The following FBN2 variants were observed in gnomAD, a reference collection of about 807,000 sequenced individuals.
FBN2 encodes fibrillin-2.
A neutral mutation model predicts 355.6 loss-of-function variants in FBN2; 105 were observed. The observed-to-expected ratio is 0.30, with a 90% CI of 0.25 to 0.35. FBN2 has a LOEUF of 0.35. Among genes scored for constraint, FBN2 ranks in the 10% least tolerant of loss-of-function variants. The pLI, the probability that FBN2 is intolerant of heterozygous loss-of-function variation, is 1.00. For synonymous variants in FBN2, 1,350 were observed against 1,301.2 expected (o/e 1.04, Z -0.81); for missense variants, 3,280 against 3,758.7 (o/e 0.87, Z 3.33).
intron 7 of FBN2, among the ~76,000 whole-genome samples, chr5:128,414,049 C>T (rs1248533544): frequency 6.6e-6 from 1 of 152,188 alleles, no homozygotes; most frequent in Non-Finnish European, 1.5e-5. Flanking sequence ...AAATTGATGT[C>T]TGCTTTCCTC....
intron 19 of FBN2, among the ~76,000 whole-genome samples, chr5:128,357,623 GAA>G (rs1286965142): frequency 6.6e-6 from 1 of 152,136 alleles, no homozygotes; most frequent in Non-Finnish European, 1.5e-5. Flanking sequence ...AGCCTATTGG[GAA>G]AGAGTTCAGT....
chr5:128,430,320 T>G (rs1370579547), intron 7 of FBN2, among the ~76,000 whole-genome samples: 1 of 152,144 alleles, frequency 6.6e-6, no homozygotes, highest in Non-Finnish European at 1.5e-5. Flanking sequence ...CATAAAAGAA[T>G]TCTCTTATGT....
At chr5:128,350,396 CA>C (rs1751315363) in intron 21 of FBN2, among the ~76,000 whole-genome samples, 1 of 152,092 alleles carries the variant, frequency 6.6e-6, no homozygotes, top group Non-Finnish European at 1.5e-5. Flanking sequence ...ACTAAAAATA[CA>C]AAAATTAGCT....
intron 34 of FBN2, among the ~76,000 whole-genome samples, chr5:128,321,719 T>C (rs1429394742): frequency 2.6e-5 from 4 of 152,220 alleles, no homozygotes; most frequent in Non-Finnish European, 5.9e-5. Context: ...TGGTTCCAGG[T>C]CTTTGCTATT....
chr5:128,515,817 A>T (rs1756266995), intron 5 of FBN2, among the ~76,000 whole-genome samples: 1 of 152,204 alleles, frequency 6.6e-6, no homozygotes, highest in African/African-American at 2.4e-5. Flanking sequence ...GTACATTTTA[A>T]AGGAAATGTT....
chr5:128,506,148 A>G (rs1298096114), intron 5 of FBN2, among the ~76,000 whole-genome samples: 1 of 152,202 alleles, frequency 6.6e-6, no homozygotes, highest in Non-Finnish European at 1.5e-5. Flanking sequence ...CCTAATGATG[A>G]ATGACATTGA....
intron 25 of FBN2, among the ~76,000 whole-genome samples, chr5:128,341,971 G>A (rs531062645): frequency 1.3e-5 from 2 of 152,192 alleles, no homozygotes; most frequent in Non-Finnish European, 2.9e-5. Context: ...TACTCCTAAT[G>A]CATACAGGGA....
intron 5 of FBN2, among the ~76,000 whole-genome samples, chr5:128,503,474 C>T (rs1282356138): frequency 6.6e-6 from 1 of 152,096 alleles, no homozygotes; most frequent in Non-Finnish European, 1.5e-5. Flanking sequence ...TTTGGAACTT[C>T]CTGGAGACTT....
intron 6 of FBN2, among the ~76,000 whole-genome samples, chr5:128,452,285 C>T (rs1022467432): frequency 2.0e-5 from 3 of 152,218 alleles, no homozygotes; most frequent in Admixed American, 2.0e-4. Flanking sequence ...CAGGCAAAAA[C>T]TTACTATTTC....
At chr5:128,482,871 G>A (rs991646457) in intron 5 of FBN2, among the ~76,000 whole-genome samples, 5 of 152,112 alleles carry the variant, frequency 3.3e-5, no homozygotes, top group African/African-American at 1.2e-4. Context: ...TGTGAGACCA[G>A]CCACAAGGTT....
chr5:128,281,095 G>A (rs569705004), intron 55 of FBN2, among the ~76,000 whole-genome samples: 39 of 151,950 alleles, frequency 2.6e-4, no homozygotes, highest in Middle Eastern at 6.4e-3. Context: ...GCTTTTATTA[G>A]TATTTGCCTT....
chr5:128,357,802 A>T (rs896445195), intron 19 of FBN2, among the ~76,000 whole-genome samples: 1 of 152,184 alleles, frequency 6.6e-6, no homozygotes, highest in Non-Finnish European at 1.5e-5. Flanking sequence ...TTAGATGCAA[A>T]ATATCACAAT....
chr5:128,418,743 A>G (rs1753268092), intron 7 of FBN2, among the ~76,000 whole-genome samples: 1 of 152,050 alleles, frequency 6.6e-6, no homozygotes, highest in Non-Finnish European at 1.5e-5. Context: ...TATGATTTTG[A>G]TTTTTAAAAA....
At chr5:128,261,212 A>C (rs750177322) in intron 64 of FBN2, among the ~76,000 whole-genome samples, 22 of 152,204 alleles carry the variant, frequency 1.4e-4, no homozygotes, top group Non-Finnish European at 2.1e-4. Context: ...CCAAAATGCA[A>C]TTAGGGAAAG....
chr5:128,275,739 T>C, intron 59 of FBN2, among the ~76,000 whole-genome samples: 1 of 152,168 alleles, frequency 6.6e-6, no homozygotes, highest in East Asian at 1.9e-4. Context: ...CAACAACAAA[T>C]ATCTTATTTC....
intron 47 of FBN2, among the ~76,000 whole-genome samples, 196 bp downstream of exon 47, chr5:128,301,186 C>G (rs1749705407): frequency 6.6e-6 from 1 of 152,134 alleles, no homozygotes; most frequent in Non-Finnish European, 1.5e-5. Context: ...AGCTCTGTCC[C>G]CAGTAAAAAC....
intron 5 of FBN2, among the ~76,000 whole-genome samples, chr5:128,509,261 T>C (rs1756046585): frequency 6.6e-6 from 1 of 152,162 alleles, no homozygotes; most frequent in South Asian, 2.1e-4. Flanking sequence ...TCACTTATGC[T>C]CTCCTACATT....
At chr5:128,441,694 T>C (rs1211717736) in intron 7 of FBN2, among the ~76,000 whole-genome samples, 7 of 152,210 alleles carry the variant, frequency 4.6e-5, no homozygotes, top group Non-Finnish European at 4.4e-5. Context: ...AGATACAATA[T>C]GGTAAGTGAG....
chr5:128,417,511 C>T (rs747315917), intron 7 of FBN2, among the ~76,000 whole-genome samples: 1 of 152,026 alleles, frequency 6.6e-6, no homozygotes, highest in African/African-American at 2.4e-5. Context: ...TTTTTAATGT[C>T]GAGGTATGTT....
Sources: gnomAD v4.1 joint callset for allele counts (sites outside exome capture counted in the v4.1 genomes callset) on GRCh38, gnomAD v4.1.1 for gene constraint, MANE v1.5 for transcripts, NCBI Gene and HGNC (gene_info 2026-07-23, HGNC 2026-07-21) for gene names.